Variants in KCTD8 observed in about 807,000 individuals in gnomAD.
KCTD8 encodes BTB/POZ domain-containing protein KCTD8.
Under a neutral mutation model 31.5 loss-of-function variants are expected in KCTD8, and 27 were observed. The ratio of observed to expected loss-of-function variants is 0.86; its 90% CI spans 0.63 to 1.18. The LOEUF (loss-of-function observed/expected upper bound fraction) is 1.18. Among genes scored for constraint, KCTD8 ranks in the 50% most tolerant of loss-of-function variants. KCTD8 has a pLI of 0.00. For synonymous variants in KCTD8, 290 were observed against 280.0 expected (o/e 1.04, Z -0.36); for missense variants, 658 against 647.7 (o/e 1.02, Z -0.17).
chr4:44,181,877 T>C (rs1713421559), intron 1 of KCTD8, among the ~76,000 whole-genome samples: 1 of 150,846 alleles, frequency 6.6e-6, no homozygotes, highest in African/African-American at 2.5e-5. Context: ...GTCTGGGATG[T>C]GAGGAGCCCC....
At chr4:44,202,440 T>C (rs566637311) in intron 1 of KCTD8, among the ~76,000 whole-genome samples, 2 of 152,324 alleles carry the variant, frequency 1.3e-5, no homozygotes, top group Admixed American at 6.5e-5. Flanking sequence ...TGAAATACTA[T>C]GCAGTCATAA....
intron 1 of KCTD8, among the ~76,000 whole-genome samples, chr4:44,366,786 A>T (rs1257019960): frequency 6.6e-6 from 1 of 151,850 alleles, no homozygotes; most frequent in Non-Finnish European, 1.5e-5. Context: ...TCCTCTTACT[A>T]CCCTTCTGTC....
At chr4:44,276,940 A>G (rs138564128) in intron 1 of KCTD8, among the ~76,000 whole-genome samples, 178 of 152,092 alleles carry the variant, frequency 1.2e-3, no homozygotes, top group African/African-American at 4.0e-3. Flanking sequence ...CACTAAGAGA[A>G]CTTTGGTCCA....
At chr4:44,258,720 A>G (rs1577578825) in intron 1 of KCTD8, among the ~76,000 whole-genome samples, 1 of 152,068 alleles carries the variant, frequency 6.6e-6, no homozygotes, top group Middle Eastern at 3.4e-3. Flanking sequence ...TACTGGTTCC[A>G]CTTTTTAAAA....
intron 1 of KCTD8, among the ~76,000 whole-genome samples, chr4:44,439,871 T>C (rs1228588440): frequency 6.6e-6 from 1 of 151,616 alleles, no homozygotes; most frequent in Admixed American, 6.6e-5. Flanking sequence ...TTTTGATCCC[T>C]TACAACTTCT....
chr4:44,422,929 T>G (rs576645301), intron 1 of KCTD8, among the ~76,000 whole-genome samples: 6 of 152,186 alleles, frequency 3.9e-5, no homozygotes, highest in East Asian at 1.9e-4. Context: ...GATGTTGTTG[T>G]TGGTGGATAG....
intron 1 of KCTD8, among the ~76,000 whole-genome samples, chr4:44,436,675 A>G (rs1221369946): frequency 1.3e-5 from 2 of 152,122 alleles, no homozygotes; most frequent in African/African-American, 4.8e-5. Flanking sequence ...TCAGCAAAAA[A>G]GAAACAGACA....
In KCTD8 at chr4:44,333,699, G is replaced by C. The variant is rs558443904; in HGVS notation, c.961+113864C>G. 4.6e-5 allele frequency among the ~76,000 whole-genome samples: 7 copies of C among 152,158 alleles called. No individual in the cohort carries two copies. In the East Asian group the frequency reaches 1.3e-3, roughly 29 times the overall value. ...GTAAAAATAAGATGACCTAGGAGCT[G>C]AGCTAAGAATGTGATGTTGTATTGA... On this transcript the variant is annotated intron_variant, in intron 1 of 1. Coordinates refer to ENST00000360029, the MANE Select transcript of KCTD8 (RefSeq NM_198353.3).
intron 1 of KCTD8, among the ~76,000 whole-genome samples, chr4:44,205,547 A>T (rs965852285): frequency 3.9e-5 from 6 of 152,338 alleles, no homozygotes; most frequent in South Asian, 4.1e-4. Context: ...CTCTAAAATA[A>T]TTTTTTTGCT....
intron 1 of KCTD8, among the ~76,000 whole-genome samples, chr4:44,426,395 T>C (rs577835481): frequency 2.6e-5 from 4 of 151,180 alleles, no homozygotes; most frequent in African/African-American, 9.7e-5. Flanking sequence ...TAATCCAAAA[T>C]GAGTGAACAA....
chr4:44,355,830 T>C (rs1355118426), intron 1 of KCTD8, among the ~76,000 whole-genome samples: 1 of 152,182 alleles, frequency 6.6e-6, no homozygotes, highest in Non-Finnish European at 1.5e-5. Flanking sequence ...GAATGTGGAT[T>C]ATTTGTCTTC....
intron 1 of KCTD8, among the ~76,000 whole-genome samples, chr4:44,306,782 C>A (rs1463995673): frequency 6.6e-6 from 1 of 151,886 alleles, no homozygotes; most frequent in Admixed American, 6.6e-5. Flanking sequence ...AATTTGTAAG[C>A]AATAAAATTG....
chr4:44,300,312 A>G (rs564342766), intron 1 of KCTD8, among the ~76,000 whole-genome samples: 1 of 152,276 alleles, frequency 6.6e-6, no homozygotes, highest in East Asian at 1.9e-4. Context: ...ACTGTCCACA[A>G]TGGATCTAAT....
chr4:44,409,904 CA>C (rs1307714916), intron 1 of KCTD8, among the ~76,000 whole-genome samples: 1 of 151,154 alleles, frequency 6.6e-6, no homozygotes, highest in Non-Finnish European at 1.5e-5. Context: ...AGAAAACACA[CA>C]AAAAAAGATT....
intron 1 of KCTD8, among the ~76,000 whole-genome samples, chr4:44,312,055 C>A (rs796386710): frequency 1.3e-5 from 2 of 152,036 alleles, no homozygotes; most frequent in South Asian, 2.1e-4. Flanking sequence ...TGGGGTGTAT[C>A]TATTCATGAT....
chr4:44,219,797 TG>T (rs1714755724), intron 1 of KCTD8, among the ~76,000 whole-genome samples: 1 of 152,222 alleles, frequency 6.6e-6, no homozygotes, highest in Non-Finnish European at 1.5e-5. Context: ...AGATATTTTT[TG>T]GTCATCTTAT....
intron 1 of KCTD8, among the ~76,000 whole-genome samples, chr4:44,279,483 G>T (rs1577590559): frequency 6.6e-6 from 1 of 152,192 alleles, no homozygotes; most frequent in East Asian, 1.9e-4. Flanking sequence ...TCAGCAGAGA[G>T]AAAGATGTGC....
intron 1 of KCTD8, among the ~76,000 whole-genome samples, chr4:44,386,434 G>A (rs1225275644): frequency 6.6e-6 from 1 of 151,330 alleles, no homozygotes; most frequent in African/African-American, 2.4e-5. Context: ...TTTTAAAATG[G>A]GCAAAATATC....
intron 1 of KCTD8, among the ~76,000 whole-genome samples, chr4:44,283,547 A>ATAAT (rs1327021529): frequency 6.6e-6 from 1 of 152,088 alleles, no homozygotes; most frequent in Non-Finnish European, 1.5e-5. Context: ...AGGGCCCTTA[A>ATAAT]TAATTATTCT....
Sources: gnomAD v4.1 joint callset for allele counts (sites outside exome capture counted in the v4.1 genomes callset) on GRCh38, gnomAD v4.1.1 for gene constraint, MANE v1.5 for transcripts, NCBI Gene and HGNC (gene_info 2026-07-23, HGNC 2026-07-21) for gene names.